Variants in TULP4 observed in about 807,000 individuals in gnomAD.
TULP4 encodes tubby-related protein 4.
In TULP4, 16 loss-of-function variants were observed where a neutral mutation model predicts 129.0. The observed-to-expected ratio is 0.12, with a 90% CI of 0.08 to 0.19. TULP4 has a LOEUF of 0.19. TULP4 is among the 10% of genes least tolerant of loss of function. The pLI is 1.00. For missense variants in TULP4, 1,842 were observed against 2,059.1 expected (o/e 0.89, Z 2.04); for synonymous variants, 998 against 854.0 (o/e 1.17, Z -2.94).
intron 1 of TULP4, among the ~76,000 whole-genome samples, chr6:158,292,161 G>A (rs1778953970): frequency 6.6e-6 from 1 of 152,200 alleles, no homozygotes; most frequent in African/African-American, 2.4e-5. Flanking sequence ...GGACACTTTA[G>A]CCTGTGAGTC....
chr6:158,417,184 A>G (rs1004056177), intron 2 of TULP4, among the ~76,000 whole-genome samples: 3 of 152,264 alleles, frequency 2.0e-5, no homozygotes, highest in African/African-American at 4.8e-5. Context: ...CCACCAGCAC[A>G]TGGATTCTCC....
chr6:158,236,487 CCATT>C (rs1315934467), intron 1 of TULP4, among the ~76,000 whole-genome samples: 2 of 151,838 alleles, frequency 1.3e-5, no homozygotes, highest in Non-Finnish European at 2.9e-5. Context: ...TTTCTTGTGG[CCATT>C]CATTTAATTA....
At chr6:158,427,470 CCTTTTTTTTTTTTTTT>C (rs1778523806) in intron 2 of TULP4, among the ~76,000 whole-genome samples, 2 of 100,678 alleles carry the variant, frequency 2.0e-5, no homozygotes, top group Non-Finnish European at 3.9e-5. Flanking sequence ...AATTATCAGA[CCTTTTTTTTTTTTTTT>C]TTTTTTTTTT....
chr6:158,401,060 TTG>T, intron 1 of TULP4, among the ~76,000 whole-genome samples: 1 of 147,314 alleles, frequency 6.8e-6, no homozygotes, highest in African/African-American at 2.6e-5. Flanking sequence ...TTTGTTGTTG[TTG>T]TTGTTGTTGT....
intron 6 of TULP4, among the ~76,000 whole-genome samples, chr6:158,463,443 T>G (rs1479544304): frequency 6.6e-6 from 1 of 151,700 alleles, no homozygotes; most frequent in African/African-American, 2.4e-5. Flanking sequence ...GAGGTGATAA[T>G]GAACAAGAAT....
intron 1 of TULP4, among the ~76,000 whole-genome samples, chr6:158,383,100 GCAACCCCTCTT>G: frequency 6.6e-6 from 1 of 152,284 alleles, no homozygotes; most frequent in African/African-American, 2.4e-5. Context: ...GCACCAGAAT[GCAACCCCTCTT>G]GCCTTAGACC....
At chr6:158,359,733 C>G (rs1780725117) in intron 1 of TULP4, among the ~76,000 whole-genome samples, 1 of 152,178 alleles carries the variant, frequency 6.6e-6, no homozygotes, top group African/African-American at 2.4e-5. Flanking sequence ...TTATATCCTT[C>G]AGTCCAATCA....
At chr6:158,274,887 G>A (rs1323103976) in intron 1 of TULP4, among the ~76,000 whole-genome samples, 1 of 152,172 alleles carries the variant, frequency 6.6e-6, no homozygotes, top group Non-Finnish European at 1.5e-5. Context: ...AACCCCCAAC[G>A]TCCTGGTCTT....
At chr6:158,232,398 C>A in intron 1 of TULP4, 1 of 148,940 alleles carries the variant, frequency 6.7e-6, no homozygotes, top group South Asian at 1.8e-4. Context: ...CGTGTGTGCC[C>A]CTGCGGTGGG....
At chr6:158,401,047 TTTTTTG>T (rs761134968) in intron 1 of TULP4, among the ~76,000 whole-genome samples, 1,506 of 112,336 alleles carry the variant, frequency 0.013, 20 homozygotes, top group South Asian at 0.04. Context: ...TTTGTTTGGG[TTTTTTG>T]TTGTTGTTGT....
At chr6:158,296,356 A>G (rs1779032116) in intron 1 of TULP4, among the ~76,000 whole-genome samples, 1 of 151,994 alleles carries the variant, frequency 6.6e-6, no homozygotes, top group African/African-American at 2.4e-5. Flanking sequence ...AAAGAGAGAC[A>G]GTATAAAGAG....
At chr6:158,286,985 A>G (rs1192473115) in intron 1 of TULP4, among the ~76,000 whole-genome samples, 1 of 152,184 alleles carries the variant, frequency 6.6e-6, no homozygotes, top group Non-Finnish European at 1.5e-5. Context: ...CCTACATTTA[A>G]TGGTCATTTG....
Position 158,479,858 on chromosome 6 carries a change from G to A in TULP4, c.1134G>A (p.Gln378=). 6.2e-7 allele frequency: 1 copy of A among 1,613,912 alleles called. No individual in the cohort carries two copies. The highest frequency in any genetic ancestry group is 2.2e-5 in the East Asian group (1 of 44,884). ...VRVEHRVSSL[Q]LLCQQAIAST... ...TGGAGCACCGGGTGTCCAGCCTGCAGCTGCTGTGCCAGCAGGCCATCGCCA... is the reference window on the plus strand; with the variant it reads ...TGGAGCACCGGGTGTCCAGCCTGCAACTGCTGTGCCAGCAGGCCATCGCCA... Residue 378 remains glutamine, a synonymous_variant, in exon 7 of 14, where the codon CAG becomes CAA. Coordinates refer to ENST00000367097, the MANE Select transcript of TULP4 (RefSeq NM_020245.5).
intron 1 of TULP4, among the ~76,000 whole-genome samples, chr6:158,258,916 A>G (rs1319818229): frequency 6.6e-6 from 1 of 152,184 alleles, no homozygotes; most frequent in African/African-American, 2.4e-5. Flanking sequence ...TATATACCTG[A>G]AAAAACAGGA....
chr6:158,300,871 T>C (rs1464109186), intron 1 of TULP4, among the ~76,000 whole-genome samples: 1 of 152,206 alleles, frequency 6.6e-6, no homozygotes, highest in Non-Finnish European at 1.5e-5. Context: ...AAGCTTAGCC[T>C]CCTTCCAGGT....
chr6:158,257,091 C>T (rs1237098690), intron 1 of TULP4, among the ~76,000 whole-genome samples: 1 of 152,118 alleles, frequency 6.6e-6, no homozygotes, highest in Non-Finnish European at 1.5e-5. Flanking sequence ...GGCTTAGTAG[C>T]CTGATCTCCA....
intron 1 of TULP4, among the ~76,000 whole-genome samples, chr6:158,382,036 T>A (rs1777338516): frequency 6.6e-6 from 1 of 152,210 alleles, no homozygotes; most frequent in South Asian, 2.1e-4. Flanking sequence ...AACATTCATG[T>A]TGACCTGTTT....
chr6:158,320,860 G>A (rs545716795), intron 1 of TULP4, among the ~76,000 whole-genome samples: 6 of 152,220 alleles, frequency 3.9e-5, no homozygotes, highest in South Asian at 2.1e-4. Flanking sequence ...CATCTTCTCC[G>A]ATATGCTTTC....
At chr6:158,381,181 CTG>C (rs1199264942) in intron 1 of TULP4, among the ~76,000 whole-genome samples, 1 of 149,140 alleles carries the variant, frequency 6.7e-6, no homozygotes, top group Non-Finnish European at 1.5e-5. Flanking sequence ...TAACTTAACA[CTG>C]AGTTTTTTCT....
Sources: allele counts gnomAD v4.1 joint callset (sites outside exome capture counted in the v4.1 genomes callset), GRCh38; gene constraint gnomAD v4.1.1; transcripts MANE v1.5; gene names NCBI Gene and HGNC (gene_info 2026-07-23, HGNC 2026-07-21).